The following LMNB1 variants were observed in gnomAD, a reference collection of about 807,000 sequenced individuals.
LMNB1 encodes the protein lamin-B1.
LMNB1 carries 23 observed loss-of-function variants against 67.1 expected under a neutral mutation model. The ratio of observed to expected loss-of-function variants is 0.34; its 90% CI spans 0.25 to 0.49. LMNB1 has a LOEUF of 0.49. Ranked by LOEUF, LMNB1 falls within the 20% of genes least tolerant of loss-of-function variation. The pLI is 0.99. For missense variants in LMNB1, 634 were observed against 746.5 expected, an observed-to-expected ratio of 0.85 and a Z score of 1.76; for synonymous variants, 281 against 282.9, an observed-to-expected ratio of 0.99 and a Z score of 0.07.
intron 1 of LMNB1, among the ~76,000 whole-genome samples, chr5:126,793,109 T>G (rs1751006718): frequency 6.6e-6 from 1 of 152,198 alleles, no homozygotes; most frequent in Non-Finnish European, 1.5e-5. Flanking sequence ...TAGGAATAGC[T>G]GCCTCATAAC....
intron 5 of LMNB1, among the ~76,000 whole-genome samples, chr5:126,812,582 C>T (rs1433947531): frequency 6.6e-6 from 1 of 152,122 alleles, no homozygotes; most frequent in African/African-American, 2.4e-5. Flanking sequence ...AGTACATATA[C>T]TCCATATACT....
rs374824630 is a variant in LMNB1 at position 126,821,126 on chromosome 5, T to C, written c.1377T>C (p.Thr459=). Residue 459 remains threonine, a synonymous_variant, in exon 7 of 11, where the codon ACT becomes ACC. Transcript: ENST00000261366. ...GGAAATTTATCCGCTTGAAGAACAC[T>C]TCTGAACAGGTAATAAAATAGACCC... The part of the protein sequence containing the change: ...VDGKFIRLKN[T]SEQDQPMGGW... The C allele has an allele frequency of 6.8e-6, 11 of 1,609,248 alleles. No homozygotes were observed. In the African/African-American group the frequency reaches 1.5e-4, roughly 22 times the overall value.
chr5:126,830,586 A>G (rs550022604), intron 9 of LMNB1, among the ~76,000 whole-genome samples: 20 of 152,342 alleles, frequency 1.3e-4, no homozygotes, highest in African/African-American at 4.8e-4. Flanking sequence ...CACTTAAAGT[A>G]GTTATGTTAA....
chr5:126,831,191 G>A (rs1752121662), intron 9 of LMNB1, among the ~76,000 whole-genome samples: 1 of 152,202 alleles, frequency 6.6e-6, no homozygotes. Flanking sequence ...GCTGGTCTGT[G>A]TTAGATAAGC....
intron 1 of LMNB1, among the ~76,000 whole-genome samples, chr5:126,795,933 C>T (rs1216967869): frequency 3.3e-4 from 27 of 82,088 alleles, no homozygotes; most frequent in African/African-American, 3.6e-4. Context: ...GCCCAGGATG[C>T]TTTTTTTTTT....
chr5:126,822,326 G>A (rs1751890202), intron 7 of LMNB1, among the ~76,000 whole-genome samples: 1 of 152,202 alleles, frequency 6.6e-6, no homozygotes, highest in African/African-American at 2.4e-5. Flanking sequence ...ATGCTTTCAT[G>A]TATGAGAGCT....
At chr5:126,791,503 G>C (rs1750958275) in intron 1 of LMNB1, among the ~76,000 whole-genome samples, 1 of 151,764 alleles carries the variant, frequency 6.6e-6, no homozygotes, top group Non-Finnish European at 1.5e-5. Context: ...CCTTGCCCAG[G>C]CTGGAGTGCA....
At chr5:126,802,885 A>C (rs1751320634) in intron 1 of LMNB1, among the ~76,000 whole-genome samples, 1 of 152,194 alleles carries the variant, frequency 6.6e-6, no homozygotes, top group Non-Finnish European at 1.5e-5. Flanking sequence ...TCCATTTAAA[A>C]AAAAGTGGTT....
intron 9 of LMNB1, among the ~76,000 whole-genome samples, chr5:126,826,780 G>GA (rs1752007463): frequency 6.6e-6 from 1 of 152,100 alleles, no homozygotes; most frequent in South Asian, 2.1e-4. Flanking sequence ...TTTCCCTAGC[G>GA]AATCACCTTA....
At chr5:126,831,449 T>C (rs1389257953) in intron 9 of LMNB1, among the ~76,000 whole-genome samples, 1 of 152,262 alleles carries the variant, frequency 6.6e-6, no homozygotes, top group Non-Finnish European at 1.5e-5. Context: ...ATAGTTGCTT[T>C]CTGTCATACC....
intron 1 of LMNB1, among the ~76,000 whole-genome samples, chr5:126,794,418 A>G (rs1410538882): frequency 6.6e-6 from 1 of 152,218 alleles, no homozygotes; most frequent in Admixed American, 6.5e-5. Context: ...ACGAAATAAA[A>G]TTATCTAGTT....
chr5:126,777,949 T>A, intron 1 of LMNB1, 82 bp downstream of exon 1: 1 of 1,313,608 alleles, frequency 7.6e-7, no homozygotes, highest in Non-Finnish European at 9.9e-7. Flanking sequence ...GGTTCTGCCG[T>A]GGGGAGGGAG....
rs1377374078 is a variant in LMNB1 at position 126,805,713 on chromosome 5, T to G, written c.642+17T>G. ...TATGAAGAGGTAACTATATATAATT[T>G]TGCTTTGTAAAGGAATGGAGGGGTT... is the stretch of plus-strand genomic sequence containing the variant. On this transcript the variant is annotated intron_variant, in intron 3 of 10. Transcript: ENST00000261366. 2.5e-6 allele frequency: 4 copies of G among 1,584,626 alleles called. No homozygotes were observed. In the South Asian group the frequency reaches 3.5e-5, roughly 14 times the overall value.
chr5:126,823,250 T>G (rs1751914858), intron 8 of LMNB1, among the ~76,000 whole-genome samples: 2 of 152,294 alleles, frequency 1.3e-5, no homozygotes, highest in South Asian at 4.1e-4. Flanking sequence ...TTCAGAATCA[T>G]TTGGGTAGTA....
At chr5:126,798,151 A>T (rs1265786356) in intron 1 of LMNB1, among the ~76,000 whole-genome samples, 2 of 151,642 alleles carry the variant, frequency 1.3e-5, no homozygotes, top group African/African-American at 4.8e-5. Context: ...ACAAACAAAC[A>T]AACAAACAAA....
At position 126,821,004 on chromosome 5, in the gene LMNB1, G is replaced by A. The variant is rs765795719; in HGVS notation, c.1255G>A (p.Val419Ile). The change falls in exon 7 of 11, where the codon GTT (valine) becomes ATT (isoleucine). Residue 419 changes from valine to isoleucine, a missense_variant. Val to Ile is a conservative substitution (Grantham distance 29). Coordinates refer to ENST00000261366, the MANE Select transcript of LMNB1 (RefSeq NM_005573.4). ...VRTTRGKRKRVDVEESEASSS... is the reference protein window; with the variant it reads ...VRTTRGKRKRIDVEESEASSS... The stretch of plus-strand genomic sequence containing the variant: ...TACAACTAGAGGAAAGCGGAAGAGG[G>A]TTGATGTGGAAGAATCAGAGGCGAG... The A allele has an allele frequency of 6.8e-6, 11 of 1,613,888 alleles. No individual in the cohort carries two copies. The highest frequency in any genetic ancestry group is 2.7e-5 in the African/African-American group (2 of 74,906).
chr5:126,805,062 ATGGTT>A (rs1751384795), intron 2 of LMNB1, 130 bp downstream of exon 2: 2 of 835,128 alleles, frequency 2.4e-6, no homozygotes, highest in Non-Finnish European at 3.6e-6. Context: ...TTGTTTTCTG[ATGGTT>A]TACTTGAAGA....
intron 10 of LMNB1, among the ~76,000 whole-genome samples, chr5:126,835,323 T>C (rs1434480172): frequency 3.3e-5 from 5 of 152,218 alleles, no homozygotes; most frequent in African/African-American, 1.2e-4. Context: ...ATTAGAAATA[T>C]TTTGGTGACC....
intron 1 of LMNB1, among the ~76,000 whole-genome samples, chr5:126,785,870 C>T (rs1402003708): frequency 3.3e-5 from 5 of 151,500 alleles, no homozygotes; most frequent in Non-Finnish European, 5.9e-5. Context: ...AAAAATTAGC[C>T]GGGCATGGTG....
Sources: allele counts gnomAD v4.1 joint callset (sites outside exome capture counted in the v4.1 genomes callset), GRCh38; gene constraint gnomAD v4.1.1; transcripts MANE v1.5; gene names NCBI Gene and HGNC (gene_info 2026-07-23, HGNC 2026-07-21).